The following RALY variants were observed in gnomAD, a reference collection of about 807,000 sequenced individuals.
RALY encodes RNA-binding protein Raly.
A neutral mutation model predicts 30.7 loss-of-function variants in RALY; 15 were observed. That is an observed-to-expected ratio of 0.49 (90% CI 0.33 to 0.75). The LOEUF (loss-of-function observed/expected upper bound fraction) is 0.75, where lower values mean the gene tolerates loss of function less well. Ranked by LOEUF, RALY falls within the 30% of genes least tolerant of loss-of-function variation. RALY has a pLI of 0.02. For missense variants in RALY, 339 were observed against 414.3 expected (o/e 0.82, Z 1.58); for synonymous variants, 177 against 170.8 (o/e 1.04, Z -0.28).
In RALY at chr20:34,073,678, C is replaced by G. The variant is rs1226706759; in HGVS notation, c.329+43C>G. 5 of 1,545,582 alleles carry G rather than the reference C, an allele frequency of 3.2e-6. No homozygotes were observed. In the East Asian group the frequency reaches 9.0e-5, roughly 28 times the overall value. On this transcript the variant is annotated intron_variant, in intron 4 of 9. Transcript: ENST00000246194. ...TCTGTCTGTCTGGTGGGATGACTCTCTCTTTCCACAGAGGGAGTAAATGCT... is the reference window on the plus strand; with the variant it reads ...TCTGTCTGTCTGGTGGGATGACTCTGTCTTTCCACAGAGGGAGTAAATGCT...
intron 1 of RALY, among the ~76,000 whole-genome samples, chr20:34,019,809 C>T (rs1331286675): frequency 6.6e-6 from 1 of 152,124 alleles, no homozygotes; most frequent in Non-Finnish European, 1.5e-5. Flanking sequence ...CGCCTGTAAT[C>T]CCAGCACTTT....
chr20:34,036,315 A>T (rs1568670580), intron 2 of RALY, among the ~76,000 whole-genome samples: 1 of 152,164 alleles, frequency 6.6e-6, no homozygotes, highest in South Asian at 2.1e-4. Context: ...GAGAGGTTTC[A>T]TTATGGATGA....
rs146927237 is a variant in RALY, at chr20:33,995,999, G to A, written c.-93+1868G>A. Among the ~76,000 whole-genome samples, 681 of 152,274 alleles carry A rather than the reference G, an allele frequency of 4.5e-3. 1 individual carries two copies. The highest frequency in any genetic ancestry group is 7.2e-3 in the Non-Finnish European group (492 of 68,020). On this transcript the variant is annotated intron_variant, in intron 1 of 9. Transcript: ENST00000246194. ...CTGTGCCTTATGGTTAGTATTAAGA[G>A]GAGGCCAGGTTTAAGCACAGGTGTA...
chr20:34,073,284 G>A (rs1034574518), intron 3 of RALY, among the ~76,000 whole-genome samples: 2 of 151,872 alleles, frequency 1.3e-5, no homozygotes, highest in African/African-American at 2.4e-5. Context: ...AATATTCGAC[G>A]TGTGTGTGTG....
chr20:34,019,975 G>A (rs868067692), intron 1 of RALY, among the ~76,000 whole-genome samples: 15 of 152,096 alleles, frequency 9.9e-5, no homozygotes, highest in Middle Eastern at 3.4e-3. Flanking sequence ...GCAGGAGAAT[G>A]GCGTGAACCC....
intron 1 of RALY, among the ~76,000 whole-genome samples, chr20:34,020,988 G>A (rs1399469623): frequency 6.6e-6 from 1 of 151,440 alleles, no homozygotes; most frequent in Non-Finnish European, 1.5e-5. Context: ...TTGAGACAGA[G>A]TCTCACTCAG....
intron 2 of RALY, among the ~76,000 whole-genome samples, chr20:34,040,090 G>A (rs886675230): frequency 6.6e-6 from 1 of 151,378 alleles, no homozygotes; most frequent in Non-Finnish European, 1.5e-5. Context: ...CAGCCTGGGC[G>A]ACAGAGTGAG....
At chr20:33,995,831 C>T (rs1200331532) in intron 1 of RALY, among the ~76,000 whole-genome samples, 1 of 152,200 alleles carries the variant, frequency 6.6e-6, no homozygotes, top group Non-Finnish European at 1.5e-5. Context: ...TTCCAGTCTT[C>T]TTCCTCCTAA....
At chr20:34,057,572 CA>C (rs1326986584) in intron 2 of RALY, among the ~76,000 whole-genome samples, 1 of 147,848 alleles carries the variant, frequency 6.8e-6, no homozygotes, top group Admixed American at 7.1e-5. Flanking sequence ...GAGGCTGAGG[CA>C]GGAGAATGGC....
At chr20:34,069,282 G>A (rs1479161915) in intron 2 of RALY, among the ~76,000 whole-genome samples, 1 of 152,192 alleles carries the variant, frequency 6.6e-6, no homozygotes. Flanking sequence ...GTCCTTTTAT[G>A]TACATCATTC....
chr20:34,045,293 A>G (rs1355029566), intron 2 of RALY, among the ~76,000 whole-genome samples: 3 of 152,242 alleles, frequency 2.0e-5, no homozygotes, highest in Admixed American at 1.3e-4. Flanking sequence ...ATGAAGAAAG[A>G]TAAGCAGGAG....
chr20:34,038,038 C>CTT (rs2032565393), intron 2 of RALY, among the ~76,000 whole-genome samples: 1 of 152,198 alleles, frequency 6.6e-6, no homozygotes, highest in Non-Finnish European at 1.5e-5. Context: ...AGCTGGCTTG[C>CTT]TTGAGGATTG....
At chr20:34,033,410 G>T (rs1413756946) in intron 2 of RALY, among the ~76,000 whole-genome samples, 2 of 152,202 alleles carry the variant, frequency 1.3e-5, no homozygotes, top group African/African-American at 2.4e-5. Context: ...AAGAGAAAAG[G>T]TTTATTTGTC....
intron 1 of RALY, among the ~76,000 whole-genome samples, chr20:34,020,736 CCTAATTA>C (rs2031787923): frequency 6.6e-6 from 1 of 152,162 alleles, no homozygotes; most frequent in South Asian, 2.1e-4. Flanking sequence ...GCCCACAAAG[CCTAATTA>C]CTATCTGATC....
intron 1 of RALY, among the ~76,000 whole-genome samples, chr20:34,029,501 G>T (rs2032187379): frequency 8.9e-6 from 1 of 111,920 alleles, no homozygotes; most frequent in African/African-American, 3.9e-5. Context: ...AGGGAGGGAG[G>T]GAGGGAGGGA....
At chr20:34,005,434 G>A (rs1039926858) in intron 1 of RALY, among the ~76,000 whole-genome samples, 4 of 152,130 alleles carry the variant, frequency 2.6e-5, no homozygotes, top group Non-Finnish European at 5.9e-5. Context: ...ACTTGAACCA[G>A]GGAGTTGGAG....
intron 2 of RALY, among the ~76,000 whole-genome samples, chr20:34,044,836 A>C (rs920493852): frequency 2.0e-5 from 3 of 152,232 alleles, no homozygotes; most frequent in Non-Finnish European, 4.4e-5. Flanking sequence ...TCAGTTATCC[A>C]TTCAACAGAT....
intron 2 of RALY, among the ~76,000 whole-genome samples, chr20:34,060,816 C>T (rs1227780814): frequency 6.6e-6 from 1 of 152,182 alleles, no homozygotes; most frequent in Non-Finnish European, 1.5e-5. Context: ...TGAAAGAAAA[C>T]ACTACATAAG....
At chr20:34,019,542 C>T (rs1019019614) in intron 1 of RALY, among the ~76,000 whole-genome samples, 1 of 152,158 alleles carries the variant, frequency 6.6e-6, no homozygotes, top group South Asian at 2.1e-4. Context: ...CACATTTCTG[C>T]TAGAACCGAA....
Sources: gnomAD v4.1 joint callset for allele counts (sites outside exome capture counted in the v4.1 genomes callset) on GRCh38, gnomAD v4.1.1 for gene constraint, MANE v1.5 for transcripts, NCBI Gene and HGNC (gene_info 2026-07-23, HGNC 2026-07-21) for gene names.